The following MACROD2 variants were observed in gnomAD, a reference collection of about 807,000 sequenced individuals.
The protein encoded by MACROD2 is mono-ADP ribosylhydrolase 2.
Under a neutral mutation model 70.4 loss-of-function variants are expected in MACROD2, and 36 were observed. That is an observed-to-expected ratio of 0.51 (90% CI 0.39 to 0.68). The LOEUF is 0.68. MACROD2 is among the 30% of genes least tolerant of loss of function. MACROD2 has a pLI of 0.00. For synonymous variants in MACROD2, 172 were observed against 178.8 expected (o/e 0.96, Z 0.30); for missense variants, 496 against 538.4 (o/e 0.92, Z 0.78).
intron 6 of MACROD2, among the ~76,000 whole-genome samples, chr20:15,335,441 A>G (rs954353540): frequency 2.0e-5 from 3 of 151,350 alleles, no homozygotes; most frequent in African/African-American, 7.4e-5. Context: ...CTGTTAAAAT[A>G]CCAGTAGGTT....
chr20:13,996,081 C>T (rs1056692966), intron 1 of MACROD2, among the ~76,000 whole-genome samples: 4 of 152,310 alleles, frequency 2.6e-5, no homozygotes, highest in Middle Eastern at 3.4e-3. Context: ...TCTCCCGAGG[C>T]GGTGCTGCGT....
chr20:14,382,902 C>T (rs73612353), intron 3 of MACROD2, among the ~76,000 whole-genome samples: 1 of 152,018 alleles, frequency 6.6e-6, no homozygotes, highest in South Asian at 2.1e-4. Context: ...TTGCATTTAA[C>T]TGTCGTAAAA....
intron 8 of MACROD2, among the ~76,000 whole-genome samples, chr20:15,588,862 G>A (rs1212533294): frequency 6.6e-6 from 1 of 152,064 alleles, no homozygotes; most frequent in Admixed American, 6.5e-5. Context: ...CCACATTTTT[G>A]TGTCTTCTTC....
intron 5 of MACROD2, among the ~76,000 whole-genome samples, chr20:14,772,379 A>C (rs1747448470): frequency 6.6e-6 from 1 of 152,114 alleles, no homozygotes; most frequent in African/African-American, 2.4e-5. Flanking sequence ...TATATAAGAA[A>C]GAGGTTTAAC....
chr20:14,506,907 C>T (rs404026), intron 4 of MACROD2, among the ~76,000 whole-genome samples: 28 of 152,176 alleles, frequency 1.8e-4, no homozygotes, highest in East Asian at 5.8e-4. Context: ...GCTGAGATCA[C>T]GCCACGGCAC....
At chr20:15,267,868 G>A (rs1440661280) in intron 6 of MACROD2, among the ~76,000 whole-genome samples, 2 of 152,148 alleles carry the variant, frequency 1.3e-5, no homozygotes, top group Non-Finnish European at 2.9e-5. Flanking sequence ...TGAGATGGGG[G>A]CCTGTGAACA....
chr20:15,706,021 C>T (rs377432366), intron 8 of MACROD2, among the ~76,000 whole-genome samples: 141 of 152,242 alleles, frequency 9.3e-4, no homozygotes, highest in African/African-American at 3.4e-3. Flanking sequence ...TTTATATCTG[C>T]CAGTCAAAGT....
intron 5 of MACROD2, among the ~76,000 whole-genome samples, chr20:14,874,671 GTATTTATTTATT>G (rs71190161): frequency 0.17 from 24,274 of 143,062 alleles, 2,232 homozygotes; most frequent in Non-Finnish European, 0.2. Flanking sequence ...AAAAAAGGTT[GTATTTATTTATT>G]TATTTATTTA....
chr20:14,335,952 T>C (rs2082928652), intron 3 of MACROD2, among the ~76,000 whole-genome samples: 1 of 152,156 alleles, frequency 6.6e-6, no homozygotes, highest in African/African-American at 2.4e-5. Flanking sequence ...ATCATTAATA[T>C]TTGTAGTAGT....
chr20:15,993,605 T>C (rs1391571724), intron 15 of MACROD2, among the ~76,000 whole-genome samples: 1 of 152,142 alleles, frequency 6.6e-6, no homozygotes. Context: ...ATCTTCACCT[T>C]AAGCAATACA....
At chr20:14,162,174 G>A (rs1336505715) in intron 3 of MACROD2, among the ~76,000 whole-genome samples, 1 of 152,098 alleles carries the variant, frequency 6.6e-6, no homozygotes, top group African/African-American at 2.4e-5. Context: ...TGTTTGTATG[G>A]TTTCAAAAGT....
intron 3 of MACROD2, among the ~76,000 whole-genome samples, chr20:14,480,308 G>A (rs1184826343): frequency 6.6e-6 from 1 of 152,060 alleles, no homozygotes; most frequent in Non-Finnish European, 1.5e-5. Context: ...TTTATAATTG[G>A]CATAGAGGTT....
intron 8 of MACROD2, among the ~76,000 whole-genome samples, chr20:15,834,915 G>T (rs2191520): frequency 0.66 from 100,600 of 152,014 alleles, 33,632 homozygotes; most frequent in African/African-American, 0.74. Flanking sequence ...ATGAGGCCAA[G>T]AGAATATGGT....
At chr20:14,257,439 A>G (rs1288455236) in intron 3 of MACROD2, among the ~76,000 whole-genome samples, 5 of 152,142 alleles carry the variant, frequency 3.3e-5, no homozygotes, top group South Asian at 2.1e-4. Context: ...TAAGGTTTAT[A>G]TATAGTTACC....
chr20:15,183,513 A>C (rs1199192197), intron 5 of MACROD2, among the ~76,000 whole-genome samples: 5 of 151,906 alleles, frequency 3.3e-5, no homozygotes, highest in Non-Finnish European at 7.4e-5. Context: ...TAAAAAAAAA[A>C]ATAGATCTTA....
intron 5 of MACROD2, among the ~76,000 whole-genome samples, chr20:14,798,552 A>C (rs1025844412): frequency 1.3e-4 from 20 of 152,098 alleles, no homozygotes; most frequent in African/African-American, 4.8e-4. Flanking sequence ...AAGTTGATGG[A>C]ACCTTAATGG....
intron 9 of MACROD2, among the ~76,000 whole-genome samples, chr20:15,885,505 C>T (rs567770717): frequency 2.0e-4 from 30 of 152,004 alleles, no homozygotes; most frequent in Non-Finnish European, 7.4e-5. Context: ...GTAAAACAAA[C>T]GATTGCATAT....
intron 3 of MACROD2, among the ~76,000 whole-genome samples, chr20:14,420,371 A>T (rs1268509669): frequency 6.6e-6 from 1 of 152,118 alleles, no homozygotes; most frequent in East Asian, 1.9e-4. Context: ...TTGTTCCAAT[A>T]GTAACACTTG....
chr20:14,309,884 T>C (rs1213554864), intron 3 of MACROD2, among the ~76,000 whole-genome samples: 1 of 152,206 alleles, frequency 6.6e-6, no homozygotes, highest in East Asian at 1.9e-4. Flanking sequence ...TTTAGTAGAA[T>C]ATCAGTGCTA....
Sources: gnomAD v4.1 joint callset for allele counts (sites outside exome capture counted in the v4.1 genomes callset) on GRCh38, gnomAD v4.1.1 for gene constraint, MANE v1.5 for transcripts, NCBI Gene and HGNC (gene_info 2026-07-23, HGNC 2026-07-21) for gene names.